The following ULK4 variants were observed in gnomAD, a reference collection of about 807,000 sequenced individuals.
The protein encoded by ULK4 is unc-51 like kinase 4, also known as inactive serine/threonine-protein kinase ULK4.
In ULK4, 133 loss-of-function variants were observed where a neutral mutation model predicts 160.6. The ratio of observed to expected loss-of-function variants is 0.83; its 90% confidence interval spans 0.72 to 0.96. The LOEUF (loss-of-function observed/expected upper bound fraction) is 0.96. ULK4 is among the 40% of genes least tolerant of loss of function. ULK4 has a pLI of 0.00. For synonymous variants in ULK4, 534 were observed against 539.8 expected (o/e 0.99, Z 0.15); for missense variants, 1,580 against 1,499.5 (o/e 1.05, Z -0.89).
chr3:41,433,728 C>CTTT (rs10636463), intron 34 of ULK4, among the ~76,000 whole-genome samples: 189 of 151,298 alleles, frequency 1.2e-3, no homozygotes, highest in East Asian at 3.7e-3. Flanking sequence ...AAATCCCAAA[C>CTTT]TTTTTTTTTG....
At chr3:41,772,258 CA>C (rs1310898409) in intron 21 of ULK4, among the ~76,000 whole-genome samples, 4 of 151,930 alleles carry the variant, frequency 2.6e-5, no homozygotes, top group Admixed American at 1.3e-4. Context: ...AAAAACCCTT[CA>C]AAAAAATCAA....
intron 31 of ULK4, among the ~76,000 whole-genome samples, chr3:41,597,034 G>A (rs1575465953): frequency 6.6e-6 from 1 of 152,092 alleles, no homozygotes; most frequent in Non-Finnish European, 1.5e-5. Flanking sequence ...CCCTTGGGTT[G>A]GGGTTGGTGG....
intron 30 of ULK4, among the ~76,000 whole-genome samples, chr3:41,642,007 C>G (rs2034226059): frequency 6.6e-6 from 1 of 151,642 alleles, no homozygotes; most frequent in South Asian, 2.1e-4. Context: ...TCCCAAGTAG[C>G]TGGAATTACA....
chr3:41,767,262 A>G (rs1436949154), intron 21 of ULK4, among the ~76,000 whole-genome samples: 1 of 152,228 alleles, frequency 6.6e-6, no homozygotes, highest in Non-Finnish European at 1.5e-5. Context: ...AAACTCTGCA[A>G]AATACCGAAA....
intron 35 of ULK4, among the ~76,000 whole-genome samples, chr3:41,390,033 A>C (rs2125805782): frequency 6.6e-6 from 1 of 152,294 alleles, no homozygotes; most frequent in Non-Finnish European, 1.5e-5. Context: ...GCTATTAATT[A>C]TTGCCTAAAT....
chr3:41,767,967 G>A (rs1043032504), intron 21 of ULK4, among the ~76,000 whole-genome samples: 2 of 152,264 alleles, frequency 1.3e-5, no homozygotes, highest in South Asian at 2.1e-4. Context: ...TTAGGAACCC[G>A]GCTGCACAGC....
intron 1 of ULK4, 111 bp downstream of exon 1, chr3:41,961,905 C>A (rs561453988): frequency 6.6e-6 from 1 of 152,646 alleles, no homozygotes; most frequent in Non-Finnish European, 1.5e-5. Context: ...GGAGAGAGGG[C>A]GGCCAGGCGC....
intron 30 of ULK4, among the ~76,000 whole-genome samples, chr3:41,662,586 C>G (rs1481803942): frequency 6.6e-6 from 1 of 152,102 alleles, no homozygotes; most frequent in Non-Finnish European, 1.5e-5. Flanking sequence ...TGTGACTGGA[C>G]AGCAGACCAG....
chr3:41,450,564 A>G (rs1352221020), intron 34 of ULK4, among the ~76,000 whole-genome samples: 2 of 152,222 alleles, frequency 1.3e-5, no homozygotes, highest in Non-Finnish European at 2.9e-5. Context: ...AAAAGCTAAC[A>G]AGTTCATTCT....
chr3:41,665,244 G>A (rs910072544), intron 29 of ULK4, among the ~76,000 whole-genome samples: 15 of 152,034 alleles, frequency 9.9e-5, no homozygotes, highest in African/African-American at 3.1e-4. Context: ...TAGCCTGTAA[G>A]CCCACAACCA....
chr3:41,821,279 G>C (rs1471161228), intron 18 of ULK4, among the ~76,000 whole-genome samples: 2 of 152,330 alleles, frequency 1.3e-5, no homozygotes, highest in African/African-American at 4.8e-5. Flanking sequence ...GGTGGCACCA[G>C]AGAGCACAGA....
chr3:41,523,511 ATATTT>A (rs1411514216), intron 32 of ULK4, among the ~76,000 whole-genome samples: 1 of 152,214 alleles, frequency 6.6e-6, no homozygotes, highest in African/African-American at 2.4e-5. Flanking sequence ...ATTTTATTTT[ATATTT>A]TATTACAATA....
chr3:41,655,783 G>T (rs1472405592), intron 30 of ULK4, among the ~76,000 whole-genome samples: 4 of 152,074 alleles, frequency 2.6e-5, no homozygotes, highest in Non-Finnish European at 5.9e-5. Context: ...AGCTAATTGA[G>T]GGTAAAAAAC....
intron 34 of ULK4, among the ~76,000 whole-genome samples, chr3:41,448,034 T>C (rs1038481003): frequency 9.2e-5 from 14 of 152,314 alleles, no homozygotes; most frequent in African/African-American, 3.1e-4. Flanking sequence ...TTACCAGACT[T>C]AGTCTATGCT....
intron 30 of ULK4, among the ~76,000 whole-genome samples, chr3:41,629,982 A>G (rs938551275): frequency 1.3e-5 from 2 of 152,150 alleles, no homozygotes; most frequent in African/African-American, 2.4e-5. Context: ...CAATGTCTCA[A>G]ATAAATAAAT....
chr3:41,870,577 T>C (rs1445003782), intron 17 of ULK4, among the ~76,000 whole-genome samples: 2 of 152,244 alleles, frequency 1.3e-5, no homozygotes, highest in Admixed American at 6.5e-5. Flanking sequence ...AGAAGTCCCA[T>C]ATGTCCTTCC....
At chr3:41,804,795 A>G (rs1392909495) in intron 19 of ULK4, among the ~76,000 whole-genome samples, 7 of 152,080 alleles carry the variant, frequency 4.6e-5, no homozygotes. Context: ...ATCGTTGTAG[A>G]TATGTGGCAT....
At chr3:41,311,124 GC>G (rs1462522987) in intron 35 of ULK4, among the ~76,000 whole-genome samples, 3 of 152,132 alleles carry the variant, frequency 2.0e-5, no homozygotes, top group African/African-American at 7.2e-5. Context: ...CAGGTATTTT[GC>G]CAAACGTTAT....
intron 21 of ULK4, among the ~76,000 whole-genome samples, chr3:41,762,552 G>C (rs931178172): frequency 6.6e-6 from 1 of 152,140 alleles, no homozygotes; most frequent in East Asian, 1.9e-4. Context: ...ACATGGCTAG[G>C]GAGGCCTCAG....
Sources: allele counts gnomAD v4.1 joint callset (sites outside exome capture counted in the v4.1 genomes callset), GRCh38; gene constraint gnomAD v4.1.1; transcripts MANE v1.5; gene names NCBI Gene and HGNC (gene_info 2026-07-23, HGNC 2026-07-21).